CCDC201: variants seen among roughly 807,000 people sequenced by gnomAD.
CCDC201 encodes coiled-coil domain containing 201.
chr7:45,861,465 A>G lies in CCDC201; in HGVS notation c.*1620T>C, dbSNP rs1025435149. On this transcript the variant is annotated 3_prime_UTR_variant, in exon 3 of 3. Coordinates refer to ENST00000636578, the Ensembl canonical transcript of CCDC201. ...GTAAATAAATTTTTATCACTCATATAGAACATCCAATGAAATATGAAGTTA... is the reference window on the plus strand; with the variant it reads ...GTAAATAAATTTTTATCACTCATATGGAACATCCAATGAAATATGAAGTTA... The G allele has an allele frequency of 6.6e-5, 10 of 152,368 alleles. No individual in the cohort carries two copies. The South Asian group carries it at 1.7e-3, about 25-fold the overall frequency. The allele number at this position is 152,368 out of a possible 1,614,324, so 9.4% of individuals were successfully genotyped here. A position where few individuals can be genotyped will look rare whatever the true frequency, so the allele number is the denominator to read the frequency against.
intron 2 of CCDC201, among the ~76,000 whole-genome samples, chr7:45,865,737 G>A (rs1215316119): frequency 6.6e-6 from 1 of 152,216 alleles, no homozygotes; most frequent in East Asian, 1.9e-4. Context: ...CATGAGGCCA[G>A]GAAGCTCATG....
At chr7:45,874,856 A>T (rs1437868358), upstream of CCDC201, among the ~76,000 whole-genome samples, 2 of 152,246 alleles carry the variant, frequency 1.3e-5, no homozygotes, top group Admixed American at 1.3e-4. Context: ...AATGTATGAT[A>T]CACTTAAAAG....
intron 1 of CCDC201, among the ~76,000 whole-genome samples, chr7:45,871,536 G>T (rs1467744401): frequency 6.6e-6 from 1 of 152,058 alleles, no homozygotes; most frequent in Non-Finnish European, 1.5e-5. Context: ...CTTATGTAAG[G>T]CTTTGCTATG....
the CCDC201 span, among the ~76,000 whole-genome samples, chr7:45,883,678 C>T: frequency 2.6e-5 from 4 of 152,230 alleles, no homozygotes; most frequent in Admixed American, 6.5e-5. Context: ...CTTCCTCTCA[C>T]CAGTTTTGGT....
At chr7:45,864,218 A>G (rs1254737631) in intron 2 of CCDC201, among the ~76,000 whole-genome samples, 5 of 152,152 alleles carry the variant, frequency 3.3e-5, no homozygotes, top group African/African-American at 1.2e-4. Context: ...CGACTGAGGA[A>G]GATGCAATAG....
the CCDC201 span, among the ~76,000 whole-genome samples, chr7:45,879,523 C>A: frequency 6.6e-6 from 1 of 152,140 alleles, no homozygotes; most frequent in African/African-American, 2.4e-5. Flanking sequence ...TGGCAGAAGG[C>A]AAAGGAGAAG....
the CCDC201 span, among the ~76,000 whole-genome samples, chr7:45,878,427 C>T: frequency 1.3e-5 from 2 of 152,268 alleles, no homozygotes; most frequent in African/African-American, 2.4e-5. Flanking sequence ...TCTGCCTGGA[C>T]ATCCAGACAT....
At chr7:45,881,650 G>T in the CCDC201 span, among the ~76,000 whole-genome samples, 2 of 152,178 alleles carry the variant, frequency 1.3e-5, no homozygotes, top group African/African-American at 4.8e-5. Context: ...GAGCATAACA[G>T]AATGAAGACG....
At chr7:45,867,438 C>T (rs949189547) in intron 1 of CCDC201, among the ~76,000 whole-genome samples, 1 of 152,162 alleles carries the variant, frequency 6.6e-6, no homozygotes, top group African/African-American at 2.4e-5. Flanking sequence ...CAATGACATC[C>T]TAAATCAATT....
chr7:45,870,216 T>A (rs1786729095), intron 1 of CCDC201, among the ~76,000 whole-genome samples: 1 of 152,256 alleles, frequency 6.6e-6, no homozygotes, highest in Non-Finnish European at 1.5e-5. Flanking sequence ...ACAAGCAGCA[T>A]CTTACTTGCA....
chr7:45,876,919 C>T (rs748038291), upstream of CCDC201, among the ~76,000 whole-genome samples: 3 of 152,202 alleles, frequency 2.0e-5, no homozygotes, highest in East Asian at 1.9e-4. Flanking sequence ...AATTCAGATG[C>T]GATCGAAGTC....
intron 1 of CCDC201, among the ~76,000 whole-genome samples, chr7:45,870,512 A>C (rs938515482): frequency 2.6e-4 from 39 of 152,252 alleles, no homozygotes; most frequent in Admixed American, 5.9e-4. Context: ...CAGAAATGCA[A>C]ATGAAAAAAT....
chr7:45,885,113 T>G, the CCDC201 span, among the ~76,000 whole-genome samples: 1 of 152,078 alleles, frequency 6.6e-6, no homozygotes, highest in Non-Finnish European at 1.5e-5. Context: ...GACCATGGAC[T>G]TGATAAGCAT....
upstream of CCDC201, among the ~76,000 whole-genome samples, chr7:45,873,320 A>C (rs1236009744): frequency 8.1e-6 from 1 of 123,188 alleles, no homozygotes; most frequent in Non-Finnish European, 1.6e-5. Context: ...ATACTGTTTG[A>C]TGTGCATCAT....
At chr7:45,878,999 G>A in the CCDC201 span, among the ~76,000 whole-genome samples, 1 of 152,238 alleles carries the variant, frequency 6.6e-6, no homozygotes, top group Non-Finnish European at 1.5e-5. Context: ...ATGCTTTGCT[G>A]CTTAGAAATT....
At chr7:45,879,733 T>C in the CCDC201 span, among the ~76,000 whole-genome samples, 4 of 152,220 alleles carry the variant, frequency 2.6e-5, no homozygotes, top group East Asian at 7.7e-4. Flanking sequence ...CCATATCAAC[T>C]ATAAACTTCA....
At chr7:45,882,121 C>T in the CCDC201 span, among the ~76,000 whole-genome samples, 1 of 152,124 alleles carries the variant, frequency 6.6e-6, no homozygotes, top group Non-Finnish European at 1.5e-5. Context: ...AGCATTTCTT[C>T]CCTTTGAAAG....
At chr7:45,883,218 G>T in the CCDC201 span, among the ~76,000 whole-genome samples, 9 of 152,118 alleles carry the variant, frequency 5.9e-5, no homozygotes, top group Non-Finnish European at 2.9e-5. Context: ...CCTGTGTGGT[G>T]CTGGACAGAA....
upstream of CCDC201, among the ~76,000 whole-genome samples, chr7:45,874,148 C>T (rs893504076): frequency 2.6e-5 from 4 of 151,966 alleles, no homozygotes; most frequent in Admixed American, 1.3e-4. Flanking sequence ...TCGAACTCTG[C>T]GTGATCTGCC....
Sources: gnomAD v4.1 joint callset for allele counts (sites outside exome capture counted in the v4.1 genomes callset) on GRCh38, gnomAD v4.1.1 for gene constraint, MANE v1.5 for transcripts, NCBI Gene and HGNC (gene_info 2026-07-23, HGNC 2026-07-21) for gene names.